PLXNA2: variants seen among roughly 807,000 people sequenced by gnomAD.
PLXNA2 encodes the protein plexin A2.
A neutral mutation model predicts 193.5 loss-of-function variants in PLXNA2; 91 were observed. That is an observed-to-expected ratio of 0.47 (90% CI 0.40 to 0.56). The LOEUF is 0.56. Among genes scored for constraint, PLXNA2 ranks in the 20% least tolerant of loss-of-function variants. PLXNA2 has a pLI of 0.00. For synonymous variants in PLXNA2, 997 were observed against 1,027.3 expected (o/e 0.97, Z 0.56); for missense variants, 1,995 against 2,503.2 (o/e 0.80, Z 4.33).
intron 26 of PLXNA2, among the ~76,000 whole-genome samples, chr1:208,035,355 C>G (rs1212099076): frequency 6.6e-6 from 1 of 152,184 alleles, no homozygotes; most frequent in Admixed American, 6.5e-5. Context: ...CCCATTTTCC[C>G]TTTTGGCTCT....
At chr1:208,173,914 C>T (rs1669575588) in intron 3 of PLXNA2, among the ~76,000 whole-genome samples, 1 of 152,236 alleles carries the variant, frequency 6.6e-6, no homozygotes, top group Non-Finnish European at 1.5e-5. Context: ...TCTGCCCCTC[C>T]TGGGAATGCC....
rs1664210488 is a variant in PLXNA2 at position 208,022,451 on chromosome 1, A to G, written c.*4792T>C. The G allele has an allele frequency of 6.6e-6, 1 of 152,608 alleles. No individual in the cohort carries two copies. The highest frequency in any genetic ancestry group is 2.4e-5 in the African/African-American group (1 of 41,436). 9.5% of individuals were successfully genotyped at this position (152,608 alleles called of 1,614,324 possible). A position where few individuals can be genotyped will look rare whatever the true frequency, so the allele number is the denominator to read the frequency against. On this transcript the variant is annotated 3_prime_UTR_variant, in exon 32 of 32. Coordinates refer to ENST00000367033, the MANE Select transcript of PLXNA2 (RefSeq NM_025179.4). ...GTTTTTATTCCACAACACCTGTAAAAACAACAAAACCAGACAACCATCATT... is the reference window on the plus strand; with the variant it reads ...GTTTTTATTCCACAACACCTGTAAAGACAACAAAACCAGACAACCATCATT...
At chr1:208,208,579 T>G (rs1670815617) in intron 3 of PLXNA2, among the ~76,000 whole-genome samples, 1 of 152,342 alleles carries the variant, frequency 6.6e-6, no homozygotes, top group East Asian at 1.9e-4. Context: ...GCATGACCCC[T>G]GCCTTTCACA....
intron 15 of PLXNA2, among the ~76,000 whole-genome samples, chr1:208,052,090 G>A (rs1665283026): frequency 6.6e-6 from 1 of 152,190 alleles, no homozygotes; most frequent in Admixed American, 6.5e-5. Context: ...TCCATCTGGT[G>A]TTCTCATGGC....
At chr1:208,046,839 T>A (rs1055388662) in intron 17 of PLXNA2, among the ~76,000 whole-genome samples, 8 of 141,024 alleles carry the variant, frequency 5.7e-5, no homozygotes, top group African/African-American at 1.8e-4. Context: ...TGTGTGTGTG[T>A]GTGTAGAGTG....
intron 4 of PLXNA2, among the ~76,000 whole-genome samples, chr1:208,130,712 A>C: frequency 6.6e-6 from 1 of 151,380 alleles, no homozygotes; most frequent in African/African-American, 2.4e-5. Flanking sequence ...CTCCCCGGCC[A>C]CTCTCCCATC....
At chr1:208,066,290 G>A (rs1407938265) in intron 12 of PLXNA2, among the ~76,000 whole-genome samples, 1 of 152,326 alleles carries the variant, frequency 6.6e-6, no homozygotes, top group East Asian at 1.9e-4. Context: ...GGGTTGGGGC[G>A]AAAGGGGTCA....
At chr1:208,029,332 A>T (rs1193094) in intron 29 of PLXNA2, 1 of 1,221,794 alleles carries the variant, frequency 8.2e-7, no homozygotes, top group Non-Finnish European at 1.0e-6. Context: ...TTTCTAAAGG[A>T]CTCTGTGCCC....
chr1:208,231,672 C>T (rs562844589), intron 1 of PLXNA2, among the ~76,000 whole-genome samples: 1 of 152,336 alleles, frequency 6.6e-6, no homozygotes, highest in Admixed American at 6.5e-5. Flanking sequence ...CATGCATCAT[C>T]CCGCTAACGT....
At chr1:208,062,628 C>T (rs1347100426) in intron 12 of PLXNA2, among the ~76,000 whole-genome samples, 7 of 152,174 alleles carry the variant, frequency 4.6e-5, no homozygotes, top group African/African-American at 1.7e-4. Flanking sequence ...ATGGCTCTGA[C>T]TCCCTTGTCT....
At chr1:208,187,094 T>G (rs115533693) in intron 3 of PLXNA2, among the ~76,000 whole-genome samples, 3,321 of 152,296 alleles carry the variant, frequency 0.022, 50 homozygotes, top group Non-Finnish European at 0.031. Context: ...TCAGTTTTTT[T>G]GCAGACCTAA....
rs751148055 is a variant in PLXNA2, at chr1:208,052,441, T to A, written c.2879A>T (p.Asn960Ile). Residue 960 changes from asparagine to isoleucine, a missense_variant, in exon 15 of 32, where the codon AAC becomes ATC. Transcript: ENST00000367033. ...TFVNPSVLSL[N>I]PIRGPESGGT... ...TCCTGACTCGGGACCTCGGATTGGG[T>A]TGAGTGACAGCACAGAAGGGTTCTT... 26 of 1,613,900 alleles carry A rather than the reference T, an allele frequency of 1.6e-5. No homozygotes were observed. Among genetic ancestry groups the A allele is most frequent in the Non-Finnish European group, 2.2e-5 (26 of 1,179,972 alleles).
intron 12 of PLXNA2, among the ~76,000 whole-genome samples, chr1:208,071,559 AG>A (rs1364134272): frequency 6.6e-6 from 1 of 152,220 alleles, no homozygotes; most frequent in East Asian, 1.9e-4. Flanking sequence ...CACTCCTCAC[AG>A]TAGGCTAGAG....
intron 5 of PLXNA2, 93 bp downstream of exon 5, chr1:208,103,054 C>CT (rs2102417839): frequency 1.3e-6 from 1 of 796,036 alleles, no homozygotes; most frequent in African/African-American, 1.7e-5. Flanking sequence ...GAGGACAATT[C>CT]CTCTCTCTGC....
chr1:208,066,037 T>C (rs1665784849), intron 12 of PLXNA2, among the ~76,000 whole-genome samples: 1 of 151,134 alleles, frequency 6.6e-6, no homozygotes, highest in African/African-American at 2.4e-5. Context: ...GGGGTGTATG[T>C]GTGTGTGTGT....
At chr1:208,033,086 G>A (rs1054084477) in intron 28 of PLXNA2, among the ~76,000 whole-genome samples, 3 of 149,004 alleles carry the variant, frequency 2.0e-5, no homozygotes, top group Non-Finnish European at 4.4e-5. Context: ...AGTGGAGATC[G>A]GGTCTTGATA....
intron 3 of PLXNA2, among the ~76,000 whole-genome samples, chr1:208,175,585 G>A (rs1239770506): frequency 6.6e-6 from 1 of 152,058 alleles, no homozygotes; most frequent in African/African-American, 2.4e-5. Flanking sequence ...GTCCTGGACA[G>A]TCTAGGCAGT....
chr1:208,085,503 G>A (rs1449966244), intron 9 of PLXNA2, among the ~76,000 whole-genome samples: 1 of 152,222 alleles, frequency 6.6e-6, no homozygotes, highest in Non-Finnish European at 1.5e-5. Flanking sequence ...TGCAGAGGGT[G>A]TTACTGGCAT....
At chr1:208,219,659 CCTTCCTCTTGTTCAGTT>C (rs1671258054) in intron 1 of PLXNA2, among the ~76,000 whole-genome samples, 1 of 152,172 alleles carries the variant, frequency 6.6e-6, no homozygotes, top group Non-Finnish European at 1.5e-5. Flanking sequence ...TAGGAACGAC[CCTTCCTCTTGTTCAGTT>C]CTGCATCCTC....
Sources: gnomAD v4.1 joint callset for allele counts (sites outside exome capture counted in the v4.1 genomes callset) on GRCh38, gnomAD v4.1.1 for gene constraint, MANE v1.5 for transcripts, NCBI Gene and HGNC (gene_info 2026-07-23, HGNC 2026-07-21) for gene names.